Variants in DRICH1 observed in about 807,000 individuals in gnomAD.
The protein encoded by DRICH1 is aspartate rich 1, also known as aspartate-rich protein 1.
Under a neutral mutation model 39.5 loss-of-function variants are expected in DRICH1, and 38 were observed. The observed-to-expected ratio is 0.96, with a 90% CI of 0.74 to 1.26. The LOEUF (loss-of-function observed/expected upper bound fraction) is 1.26, where lower values mean the gene tolerates loss of function less well. Ranked by LOEUF, DRICH1 falls within the 50% of genes most tolerant of loss-of-function variation. The pLI is 0.00. For synonymous variants in DRICH1, 84 were observed against 99.5 expected, an observed-to-expected ratio of 0.84 and a Z score of 0.93; for missense variants, 279 against 270.4, an observed-to-expected ratio of 1.03 and a Z score of -0.22.
At position 23,632,063 on chromosome 22, in the gene DRICH1, A is replaced by G. The variant is rs775742654; in HGVS notation, c.-40T>C. On this transcript the variant is annotated 5_prime_UTR_variant, in exon 1 of 12. Transcript: ENST00000317749. ...CCTCTCCACTCCTGCCTCAGCCTTC[A>G]GCGAAATTGTAACTGTGCTGCCCTA... 2.5e-6 allele frequency: 4 copies of G among 1,610,630 alleles called. No homozygotes were observed. Among genetic ancestry groups the G allele is most frequent in the Non-Finnish European group, 3.4e-6 (4 of 1,178,968 alleles).
intron 6 of DRICH1, among the ~76,000 whole-genome samples, chr22:23,619,134 T>C (rs1397094379): frequency 7.3e-6 from 1 of 136,434 alleles, no homozygotes; most frequent in African/African-American, 2.8e-5. Flanking sequence ...ATCACATCAC[T>C]GCACCCCAGT....
intron 1 of DRICH1, among the ~76,000 whole-genome samples, chr22:23,626,385 AAC>A (rs1928066898): frequency 6.6e-6 from 1 of 152,222 alleles, no homozygotes; most frequent in South Asian, 2.1e-4. Flanking sequence ...AATGGTTACA[AAC>A]ACAGCACACA....
intron 11 of DRICH1, among the ~76,000 whole-genome samples, chr22:23,612,218 C>T (rs2123763237): frequency 6.6e-6 from 1 of 152,036 alleles, no homozygotes; most frequent in Admixed American, 6.5e-5. Context: ...ATAATCCAAG[C>T]ACTTTGGGAG....
upstream of DRICH1, chr22:23,632,457 G>A (rs555148080): frequency 8.6e-5 from 20 of 233,108 alleles, no homozygotes; most frequent in East Asian, 7.7e-4. Context: ...CATAATGCCT[G>A]TCCCTGCTGC....
At chr22:23,613,719 G>C (rs531104219) in intron 9 of DRICH1, 59 bp from the exon 10 acceptor site, 2 of 1,283,564 alleles carry the variant, frequency 1.6e-6, no homozygotes, top group African/African-American at 3.0e-5. Context: ...GCTTCACACA[G>C]ATCTGTTATT....
rs771515616 is a variant in DRICH1, at chr22:23,614,355, G to C, written c.542-141C>G. On this transcript the variant is annotated intron_variant, in intron 8 of 11. Transcript: ENST00000317749. ...TGATGCTGGGCTATTCCCCTGAGTG[G>C]AAGAGGGATGGCAAAGAAGGGAAGC... 55 of 644,778 alleles carry C rather than the reference G, an allele frequency of 8.5e-5. No individual in the cohort carries two copies. The Middle Eastern group carries it at 1.8e-3, about 21-fold the overall frequency. 39.9% of individuals were successfully genotyped at this position (644,778 alleles called of 1,614,324 possible). A position where few individuals can be genotyped will look rare whatever the true frequency, so the allele number is the denominator to read the frequency against.
downstream of DRICH1, among the ~76,000 whole-genome samples, chr22:23,604,074 C>A (rs959882640): frequency 6.6e-6 from 1 of 152,144 alleles, no homozygotes; most frequent in African/African-American, 2.4e-5. Context: ...TGGGTCACCA[C>A]AACACCCTCC....
At position 23,608,737 on chromosome 22, in the gene DRICH1, C is replaced by T; in HGVS notation, c.*27G>A. ...CGCGCTGGCCTGCCCTTTGGGTCAG[C>T]ACCCTGGTCAGCTCCACAGAAGGGC... On this transcript the variant is annotated 3_prime_UTR_variant, in exon 12 of 12. Coordinates refer to ENST00000317749, the MANE Select transcript of DRICH1 (RefSeq NM_016449.4). The T allele has an allele frequency of 6.4e-7, 1 of 1,556,782 alleles. No homozygotes were observed. The highest frequency in any genetic ancestry group is 2.4e-5 in the East Asian group (1 of 41,810).
chr22:23,593,583 A>C, the DRICH1 span, among the ~76,000 whole-genome samples: 1 of 152,204 alleles, frequency 6.6e-6, no homozygotes, highest in African/African-American at 2.4e-5. Context: ...GGCGAATCAC[A>C]AGGTCAAGAG....
At chr22:23,610,559 T>G (rs1279533734) in intron 11 of DRICH1, 1 of 152,272 alleles carries the variant, frequency 6.6e-6, no homozygotes, top group East Asian at 1.9e-4. Context: ...GATCAGATAA[T>G]TGGTGATGCT....
chr22:23,601,830 C>T, the DRICH1 span, among the ~76,000 whole-genome samples: 1,674 of 152,344 alleles, frequency 0.011, 25 homozygotes, highest in African/African-American at 0.032. Context: ...CTGTGATATT[C>T]TGTAAAAAGC....
At chr22:23,586,610 C>A in the DRICH1 span, among the ~76,000 whole-genome samples, 20 of 152,352 alleles carry the variant, frequency 1.3e-4, no homozygotes, top group South Asian at 1.9e-3. Flanking sequence ...ATGGCAGAAT[C>A]TCGGCTCACT....
At chr22:23,629,907 G>A (rs943294970) in intron 1 of DRICH1, among the ~76,000 whole-genome samples, 19 of 152,156 alleles carry the variant, frequency 1.2e-4, no homozygotes, top group Admixed American at 5.2e-4. Context: ...GTGAGCCACC[G>A]TGCCCGGCCA....
intron 6 of DRICH1, among the ~76,000 whole-genome samples, chr22:23,618,129 T>A (rs967154967): frequency 6.6e-6 from 1 of 151,084 alleles, no homozygotes; most frequent in Non-Finnish European, 1.5e-5. Context: ...TTTTTTTTTT[T>A]TTGAGACAGA....
the DRICH1 span, among the ~76,000 whole-genome samples, chr22:23,593,301 G>T: frequency 6.6e-6 from 1 of 152,304 alleles, no homozygotes; most frequent in South Asian, 2.1e-4. Context: ...GGTTCAAGCA[G>T]GTAGAAGAGA....
At chr22:23,622,201 C>A (rs374135912) in intron 3 of DRICH1, 25 bp from the exon 4 acceptor site, 1 of 1,606,280 alleles carries the variant, frequency 6.2e-7, no homozygotes, top group African/African-American at 1.3e-5. Context: ...AGGAAAGATC[C>A]GTGCCCTGGT....
the DRICH1 span, among the ~76,000 whole-genome samples, chr22:23,593,480 C>T: frequency 6.6e-6 from 1 of 152,104 alleles, no homozygotes; most frequent in East Asian, 1.9e-4. Flanking sequence ...GCCTGGCCAA[C>T]ATGGTGAAAT....
At chr22:23,595,421 CCA>C in the DRICH1 span, among the ~76,000 whole-genome samples, 3 of 149,594 alleles carry the variant, frequency 2.0e-5, no homozygotes, top group African/African-American at 5.0e-5. Context: ...TTTAGCCTAA[CCA>C]GAACAGAAAC....
chr22:23,619,171 CAAAAAAA>C (rs5844565), intron 6 of DRICH1, among the ~76,000 whole-genome samples, 186 bp downstream of exon 6: 3 of 84,938 alleles, frequency 3.5e-5, no homozygotes, highest in African/African-American at 1.5e-4. Flanking sequence ...GACTCCGTCT[CAAAAAAA>C]AAAAAAAAAA....
Sources: allele counts gnomAD v4.1 joint callset (sites outside exome capture counted in the v4.1 genomes callset), GRCh38; gene constraint gnomAD v4.1.1; transcripts MANE v1.5; gene names NCBI Gene and HGNC (gene_info 2026-07-23, HGNC 2026-07-21).